Variants in MYO10 observed in about 807,000 individuals in gnomAD.
The protein encoded by MYO10 is myosin X.
Under a neutral mutation model 257.3 loss-of-function variants are expected in MYO10, and 133 were observed. That is an observed-to-expected ratio of 0.52 (90% confidence interval 0.45 to 0.60). The LOEUF (loss-of-function observed/expected upper bound fraction) is 0.60, where lower values mean the gene tolerates loss of function less well. MYO10 is among the 20% of genes least tolerant of loss of function. MYO10 has a pLI of 0.00. For missense variants in MYO10, 2,399 were observed against 2,635.7 expected (o/e 0.91, Z 1.97); for synonymous variants, 1,104 against 1,028.6 (o/e 1.07, Z -1.40).
At chr5:16,926,786 T>C (rs1251311693) in intron 1 of MYO10, among the ~76,000 whole-genome samples, 1 of 151,638 alleles carries the variant, frequency 6.6e-6, no homozygotes, top group Non-Finnish European at 1.5e-5. Flanking sequence ...CAAACTATTG[T>C]GACAATCTTG....
intron 2 of MYO10, among the ~76,000 whole-genome samples, chr5:16,827,940 A>G (rs1267402749): frequency 6.6e-6 from 1 of 152,166 alleles, no homozygotes; most frequent in Non-Finnish European, 1.5e-5. Flanking sequence ...CACACAGCAC[A>G]GGGAGAGTTC....
chr5:16,718,937 A>C (rs1180749574), intron 19 of MYO10, among the ~76,000 whole-genome samples: 1 of 152,202 alleles, frequency 6.6e-6, no homozygotes, highest in Non-Finnish European at 1.5e-5. Flanking sequence ...GCGCCCTGAC[A>C]AAACAGGCCA....
At chr5:16,774,006 T>C (rs936601072) in intron 9 of MYO10, among the ~76,000 whole-genome samples, 7 of 152,222 alleles carry the variant, frequency 4.6e-5, no homozygotes, top group African/African-American at 1.2e-4. Context: ...TCTCTATTTA[T>C]TGTTTCTTAC....
chr5:16,907,766 T>A (rs909861270), intron 1 of MYO10, among the ~76,000 whole-genome samples: 1 of 152,250 alleles, frequency 6.6e-6, no homozygotes, highest in Non-Finnish European at 1.5e-5. Context: ...AAGAAATCTA[T>A]GCTTTGGCAT....
At chr5:16,875,986 A>G (rs1293762663) in intron 2 of MYO10, among the ~76,000 whole-genome samples, 6 of 152,042 alleles carry the variant, frequency 3.9e-5, no homozygotes, top group Non-Finnish European at 7.4e-5. Context: ...GGTGGCAGGC[A>G]CCTGTAATGT....
chr5:16,887,523 C>T (rs1468897516), intron 1 of MYO10, among the ~76,000 whole-genome samples: 2 of 152,174 alleles, frequency 1.3e-5, no homozygotes, highest in East Asian at 3.9e-4. Context: ...TGGAGTCTAG[C>T]TCCGCCGCCC....
In MYO10 at chr5:16,670,845, T is replaced by A. The variant is rs201810628; in HGVS notation, c.5564A>T (p.Tyr1855Phe). The A allele has an allele frequency of 9.5e-5, 153 of 1,613,998 alleles. No individual in the cohort carries two copies. The highest frequency in any genetic ancestry group is 1.2e-4 in the Non-Finnish European group (141 of 1,179,888). ...HAAIPPLEEV[Y>F]SLQRLKARIS... is the part of the protein sequence containing the mutation. ...GCGGGCCTTGAGTCTCTGCAGGGAA[T>A]AAACCTCTTCGAGAGGTGGGATGGC... is the stretch of plus-strand genomic sequence containing the variant. Residue 1855 changes from tyrosine (Y) to phenylalanine (F), a missense_variant, in exon 39 of 41, where the codon TAT (tyrosine) becomes TTT (phenylalanine). This residue lies in a region of MYO10 where 1,820 missense variants were observed against 1,939.4 expected (regional missense o/e 0.94). Coordinates refer to ENST00000513610, the MANE Select transcript of MYO10 (RefSeq NM_012334.3).
chr5:16,689,991 T>C, intron 27 of MYO10, 72 bp from the exon 28 acceptor site: 1 of 1,090,930 alleles, frequency 9.2e-7, no homozygotes, highest in East Asian at 2.4e-5. Context: ...AAGCAACTAA[T>C]GAAGCCAATG....
chr5:16,763,586 A>G (rs1450648564), intron 13 of MYO10, 39 bp from the exon 14 acceptor site: 1 of 1,589,712 alleles, frequency 6.3e-7, no homozygotes, highest in African/African-American at 1.3e-5. Context: ...AAATGAAAAC[A>G]TAGCTTCAAA....
intron 2 of MYO10, among the ~76,000 whole-genome samples, chr5:16,823,830 C>T (rs1437359170): frequency 6.6e-6 from 1 of 151,874 alleles, no homozygotes; most frequent in East Asian, 1.9e-4. Context: ...GAAACAAGGG[C>T]CACAATACTG....
At chr5:16,795,132 C>T (rs765338889) in intron 3 of MYO10, among the ~76,000 whole-genome samples, 1 of 152,198 alleles carries the variant, frequency 6.6e-6, no homozygotes, top group Non-Finnish European at 1.5e-5. Flanking sequence ...AATCTTAATC[C>T]CTTCCCATGG....
chr5:16,751,829 T>C (rs1386994744), intron 19 of MYO10, among the ~76,000 whole-genome samples: 3 of 152,118 alleles, frequency 2.0e-5, no homozygotes, highest in Admixed American at 1.3e-4. Flanking sequence ...AAGGTTTCTA[T>C]AGCCTATCAC....
chr5:16,762,112 T>G lies in MYO10; in HGVS notation c.1589A>C (p.Asn530Thr). The change falls in exon 16 of 41, where the codon AAT (asparagine) becomes ACT (threonine). Residue 530 changes from asparagine (N) to threonine (T), a missense_variant and splice_region_variant. Asn to Thr is a moderately conservative substitution (Grantham distance 65). Coordinates refer to ENST00000513610, the MANE Select transcript of MYO10 (RefSeq NM_012334.3). ...TCTGGGCTTCACATAAAAGTGGTTA[T>G]TCTAAAAAAAAAAAAAAAAAAAAAA... ...LLEKLHSQHA[N>T]NHFYVKPRVA... The G allele has an allele frequency of 8.2e-7, 1 of 1,217,432 alleles. No individual in the cohort carries two copies. Among genetic ancestry groups the G allele is most frequent in the Non-Finnish European group, 1.1e-6 (1 of 927,638 alleles). The allele number at this position is 1,217,432 out of a possible 1,614,324, so 75.4% of individuals were successfully genotyped here.
chr5:16,780,440 AAC>A (rs1170242590), intron 8 of MYO10, 82 bp downstream of exon 8: 6 of 1,255,182 alleles, frequency 4.8e-6, no homozygotes, highest in Non-Finnish European at 6.8e-6. Context: ...TCAACATTAA[AAC>A]AGATGTTCTC....
chr5:16,757,300 A>AC (rs1740559358), intron 18 of MYO10, among the ~76,000 whole-genome samples: 1 of 77,722 alleles, frequency 1.3e-5, no homozygotes, highest in African/African-American at 5.5e-5. Context: ...ACACACACAC[A>AC]AACACACACA....
chr5:16,702,533 C>A lies in MYO10; in HGVS notation c.2556+10G>T, dbSNP rs1429955947. ...AACACAAGAGGCTAAGTTGTCACTG[C>A]ACTCATTACCTGCTGGGCGCGGAGC... On this transcript the variant is annotated intron_variant, in intron 24 of 40. Transcript: ENST00000513610. The A allele has an allele frequency of 2.5e-6, 4 of 1,588,900 alleles. No individual in the cohort carries two copies. The Admixed American group carries it at 7.1e-5, about 28-fold the overall frequency.
intron 2 of MYO10, among the ~76,000 whole-genome samples, chr5:16,823,790 G>T (rs71609327): frequency 1.3e-5 from 2 of 150,580 alleles, no homozygotes; most frequent in African/African-American, 2.4e-5. Context: ...GGGGCGGGGG[G>T]CGGTTATTTT....
chr5:16,753,962 T>A (rs1026854232), intron 19 of MYO10, among the ~76,000 whole-genome samples: 6 of 152,206 alleles, frequency 3.9e-5, no homozygotes, highest in Non-Finnish European at 8.8e-5. Flanking sequence ...GAGGATGGCA[T>A]CTAGTTCTTT....
intron 28 of MYO10, among the ~76,000 whole-genome samples, chr5:16,687,834 T>G (rs1453799375): frequency 6.6e-6 from 1 of 152,114 alleles, no homozygotes; most frequent in Admixed American, 6.5e-5. Context: ...TATCCCAAAT[T>G]AAACATTGAA....
Sources: gnomAD v4.1 joint callset for allele counts (sites outside exome capture counted in the v4.1 genomes callset) on GRCh38, gnomAD v4.1.1 for gene constraint, gnomAD v4.1.1 regional missense constraint, MANE v1.5 for transcripts, NCBI Gene and HGNC (gene_info 2026-07-23, HGNC 2026-07-21) for gene names.